Variants in KMT2C observed in about 807,000 individuals in gnomAD.
KMT2C encodes the protein histone-lysine N-methyltransferase 2C.
In KMT2C, 88 loss-of-function variants were observed where a neutral mutation model predicts 507.9. The observed-to-expected ratio is 0.17, with a 90% CI of 0.15 to 0.21. KMT2C has a LOEUF of 0.21. Among genes scored for constraint, KMT2C ranks in the 10% least tolerant of loss-of-function variants. KMT2C has a pLI of 1.00. For missense variants in KMT2C, 4,954 were observed against 5,957.8 expected (o/e 0.83, Z 5.55); for synonymous variants, 2,049 against 2,080.8 (o/e 0.98, Z 0.42).
chr7:152,418,715 C>T (rs1394597337), intron 1 of KMT2C, among the ~76,000 whole-genome samples: 2 of 152,022 alleles, frequency 1.3e-5, no homozygotes, highest in African/African-American at 2.4e-5. Context: ...CAGTCGTGAG[C>T]GACAGCACTC....
Position 152,235,097 on chromosome 7 carries a change from G to A in KMT2C, c.2769+720C>T, listed in dbSNP as rs142606882. Among the ~76,000 whole-genome samples the A allele has an allele frequency of 2.5e-3, 375 of 152,072 alleles. 1 individual carries two copies. Among genetic ancestry groups the A allele is most frequent in the African/African-American group, 8.6e-3 (357 of 41,444 alleles). ...ACTCTAGAAAATGCAAACTAATCTT[G>A]GGGACAAGGACGGATGGCAGGGGGA... On this transcript the variant is annotated intron_variant, in intron 16 of 58. Transcript: ENST00000262189.
intron 2 of KMT2C, among the ~76,000 whole-genome samples, chr7:152,334,289 C>A (rs186234290): frequency 2.6e-5 from 4 of 152,120 alleles, no homozygotes; most frequent in Admixed American, 1.3e-4. Flanking sequence ...CCCATCTCTA[C>A]TAAAAATACA....
At position 152,167,069 on chromosome 7, in the gene KMT2C, G is replaced by A. The variant is rs903594630; in HGVS notation, c.9750+77C>T. Reference sequence around the variant, plus strand: ...TAGTCAAAAAAAATCACTAGTCAAAGTCACTAATGAACAACACACCAAAAC... The same window carrying A: ...TAGTCAAAAAAAATCACTAGTCAAAATCACTAATGAACAACACACCAAAAC... On this transcript the variant is annotated intron_variant, in intron 42 of 58. Transcript: ENST00000262189. 39 of 1,188,184 alleles carry A rather than the reference G, an allele frequency of 3.3e-5. No homozygotes were observed. The African/African-American group carries it at 4.7e-4, about 14-fold the overall frequency. 73.6% of individuals were successfully genotyped at this position (1,188,184 alleles called of 1,614,324 possible).
chr7:152,207,491 A>G (rs1277011554), intron 23 of KMT2C, 63 bp from the exon 24 acceptor site: 1 of 1,441,916 alleles, frequency 6.9e-7, no homozygotes, highest in South Asian at 1.2e-5. Flanking sequence ...ATCCCTACAT[A>G]ATGGGGAATA....
At chr7:152,296,445 A>AAG (rs367694956) in intron 6 of KMT2C, among the ~76,000 whole-genome samples, 3,674 of 149,504 alleles carry the variant, frequency 0.025, 168 homozygotes, top group African/African-American at 0.083. Flanking sequence ...AAAAAAAAAA[A>AAG]AGAGAGAGAG....
At chr7:152,355,165 T>C (rs2097142148) in intron 2 of KMT2C, among the ~76,000 whole-genome samples, 1 of 152,144 alleles carries the variant, frequency 6.6e-6, no homozygotes, top group Non-Finnish European at 1.5e-5. Context: ...AAAATGTGAA[T>C]GTATAAAATG....
chr7:152,143,595 C>T (rs2090819004), intron 55 of KMT2C, among the ~76,000 whole-genome samples: 1 of 152,172 alleles, frequency 6.6e-6, no homozygotes, highest in South Asian at 2.1e-4. Context: ...AGTGCAAACA[C>T]AGAGGAAACA....
At chr7:152,335,764 A>C (rs917661827) in intron 2 of KMT2C, among the ~76,000 whole-genome samples, 5 of 152,212 alleles carry the variant, frequency 3.3e-5, no homozygotes, top group Admixed American at 2.0e-4. Flanking sequence ...GACAATGTCT[A>C]TCTCTCCCTC....
At chr7:152,411,663 G>C (rs955186987) in intron 1 of KMT2C, among the ~76,000 whole-genome samples, 4 of 152,014 alleles carry the variant, frequency 2.6e-5, no homozygotes, top group African/African-American at 9.7e-5. Context: ...AGCCAGTGGA[G>C]AATGCCTCTA....
Position 152,432,397 on chromosome 7 carries a change from AAT to A in KMT2C, c.161+3227_161+3228del, listed in dbSNP as rs2097871077. Among the ~76,000 whole-genome samples, 7 of 152,392 alleles carry A rather than the reference AAT, an allele frequency of 4.6e-5. No homozygotes were observed. The South Asian group carries it at 1.4e-3, about 32-fold the overall frequency. On this transcript the variant is annotated intron_variant, in intron 1 of 58. Coordinates refer to ENST00000262189, the MANE Select transcript of KMT2C (RefSeq NM_170606.3). Reference sequence around the variant, plus strand: ...TTAACACAAAAATAATGAGATCTTTAATATGTGCATATTCTGACAGAGGCCTG... The same window carrying A: ...TTAACACAAAAATAATGAGATCTTTAATGTGCATATTCTGACAGAGGCCTG...
At chr7:152,178,862 C>A (rs1009796183) in intron 37 of KMT2C, among the ~76,000 whole-genome samples, 1 of 152,148 alleles carries the variant, frequency 6.6e-6, no homozygotes, top group Non-Finnish European at 1.5e-5. Context: ...ATAGGTTTGG[C>A]TTTGACTTTA....
At chr7:152,278,915 G>C (rs2096144596) in intron 6 of KMT2C, among the ~76,000 whole-genome samples, 1 of 152,250 alleles carries the variant, frequency 6.6e-6, no homozygotes, top group South Asian at 2.1e-4. Flanking sequence ...ATATTAAGTA[G>C]ATATGAAATA....
At chr7:152,201,662 T>C (rs1368261482) in intron 26 of KMT2C, among the ~76,000 whole-genome samples, 6 of 77,528 alleles carry the variant, frequency 7.7e-5, no homozygotes, top group East Asian at 3.1e-4. Context: ...AACCTATAAA[T>C]GGATTTTTTT....
chr7:152,229,305 C>T (rs2095034492), intron 18 of KMT2C, among the ~76,000 whole-genome samples: 1 of 151,998 alleles, frequency 6.6e-6, no homozygotes, highest in South Asian at 2.1e-4. Flanking sequence ...AGACTGAGTT[C>T]TTAAAAAGAA....
chr7:152,139,612 T>C (rs2090291334), intron 56 of KMT2C, 63 bp downstream of exon 56: 2 of 1,117,424 alleles, frequency 1.8e-6, no homozygotes, highest in African/African-American at 1.5e-5. Context: ...GGTGTCTGGC[T>C]GGCACGGAGA....
At chr7:152,192,539 T>C (rs1456715837) in intron 31 of KMT2C, among the ~76,000 whole-genome samples, 2 of 148,430 alleles carry the variant, frequency 1.3e-5, no homozygotes, top group Non-Finnish European at 3.0e-5. Context: ...AGACTCTGTC[T>C]CAGAAAAAAA....
intron 53 of KMT2C, among the ~76,000 whole-genome samples, chr7:152,146,375 C>A (rs2091098732): frequency 6.6e-6 from 1 of 152,206 alleles, no homozygotes; most frequent in Non-Finnish European, 1.5e-5. Flanking sequence ...TGCCTCCAGC[C>A]TGGAAGAGAA....
rs1208232212 is a variant in KMT2C, at chr7:152,176,835, C to A, written c.8618G>T (p.Cys2873Phe). The change falls in exon 38 of 59, where the codon TGT becomes TTT. Residue 2873 changes from cysteine to phenylalanine, a missense_variant. Cys to Phe is a radical substitution (Grantham distance 205). Around this residue, in one of 29 missense-constraint regions of KMT2C, gnomAD observed 1,689 missense variants for 1,654.3 expected, o/e 1.02. Coordinates refer to ENST00000262189, the MANE Select transcript of KMT2C (RefSeq NM_170606.3). ...TCTTTTCTCAAATAGATCTGGATCA[C>A]AAGGATGCAAAGAAGTCTTTTCTCC... ...NDGEKTSLHP[C>F]DPDLFEKRTN... The A allele has an allele frequency of 6.2e-7, 1 of 1,614,184 alleles. No homozygotes were observed. Among genetic ancestry groups the A allele is most frequent in the South Asian group, 1.1e-5 (1 of 91,084 alleles).
At chr7:152,315,951 G>A (rs943997727) in intron 3 of KMT2C, among the ~76,000 whole-genome samples, 1 of 152,054 alleles carries the variant, frequency 6.6e-6, no homozygotes. Context: ...TGGGAAAGAA[G>A]GTAGAGTTTA....
Sources: gnomAD v4.1 joint callset for allele counts (sites outside exome capture counted in the v4.1 genomes callset) on GRCh38, gnomAD v4.1.1 for gene constraint, gnomAD v4.1.1 regional missense constraint, MANE v1.5 for transcripts, NCBI Gene and HGNC (gene_info 2026-07-23, HGNC 2026-07-21) for gene names.